OR1J2: variants seen among roughly 807,000 people sequenced by gnomAD.
OR1J2 encodes olfactory receptor 1J2.
For synonymous variants in OR1J2, 142 were observed against 99.7 expected, an observed-to-expected ratio of 1.42 and a Z score of -2.52; for missense variants, 304 against 246.1, an observed-to-expected ratio of 1.24 and a Z score of -1.57.
the OR1J2 span, chr9:122,476,934 C>G: frequency 2.0e-6 from 2 of 1,023,472 alleles, no homozygotes; most frequent in Non-Finnish European, 3.0e-6. Flanking sequence ...TCTCGAACTC[C>G]TGATCTCAGG....
At chr9:122,568,693 GA>G in the OR1J2 span, 1 of 452,558 alleles carries the variant, frequency 2.2e-6, no homozygotes, top group Non-Finnish European at 3.9e-6. Flanking sequence ...TTGAAATCTG[GA>G]GGGACAGAGG....
the OR1J2 span, among the ~76,000 whole-genome samples, chr9:122,487,984 C>G: frequency 6.6e-6 from 1 of 152,142 alleles, no homozygotes; most frequent in African/African-American, 2.4e-5. Context: ...TTGACAATGT[C>G]TCAAAAGTAA....
the OR1J2 span, among the ~76,000 whole-genome samples, chr9:122,552,824 G>GA: frequency 6.6e-6 from 1 of 150,446 alleles, no homozygotes; most frequent in Non-Finnish European, 1.5e-5. Flanking sequence ...GTTTGATGGA[G>GA]ATCATGCATC....
At chr9:122,558,007 G>A in the OR1J2 span, among the ~76,000 whole-genome samples, 5 of 151,758 alleles carry the variant, frequency 3.3e-5, no homozygotes, top group African/African-American at 1.2e-4. Context: ...ATTTGTTCAT[G>A]GTATTCCTTT....
At chr9:122,469,602 G>A in the OR1J2 span, among the ~76,000 whole-genome samples, 3 of 152,228 alleles carry the variant, frequency 2.0e-5, no homozygotes, top group South Asian at 2.1e-4. Flanking sequence ...ATGTGGAAGC[G>A]ACTTTAGAAC....
chr9:122,510,673 A>G (rs934719105), upstream of OR1J2: 2 of 605,240 alleles, frequency 3.3e-6, no homozygotes, highest in Admixed American at 2.9e-5. Context: ...GATAGGCCCC[A>G]GTGTGTGTTG....
chr9:122,471,819 G>A, the OR1J2 span, among the ~76,000 whole-genome samples: 12 of 152,208 alleles, frequency 7.9e-5, no homozygotes, highest in East Asian at 1.7e-3. Flanking sequence ...GGGCATCTGA[G>A]GCCAAAAAAA....
the OR1J2 span, among the ~76,000 whole-genome samples, chr9:122,485,067 C>G: frequency 6.6e-6 from 1 of 152,128 alleles, no homozygotes; most frequent in East Asian, 1.9e-4. Context: ...GCCCCACCAT[C>G]ACTTTCTCAA....
At chr9:122,457,534 CAA>C in the OR1J2 span, among the ~76,000 whole-genome samples, 1 of 136,666 alleles carries the variant, frequency 7.3e-6, no homozygotes, top group Non-Finnish European at 1.6e-5. Context: ...ACGAGGTGTG[CAA>C]AAAAAAAAAG....
At chr9:122,536,273 A>G in the OR1J2 span, among the ~76,000 whole-genome samples, 2 of 152,178 alleles carry the variant, frequency 1.3e-5, no homozygotes, top group Non-Finnish European at 2.9e-5. Flanking sequence ...AAAACAAACA[A>G]ACAAAAAACT....
At chr9:122,479,486 G>A in the OR1J2 span, among the ~76,000 whole-genome samples, 1 of 152,304 alleles carries the variant, frequency 6.6e-6, no homozygotes, top group Admixed American at 6.5e-5. Context: ...CAAAGGTACT[G>A]ACTGATGAGG....
chr9:122,553,765 G>A, the OR1J2 span: 6 of 1,613,868 alleles, frequency 3.7e-6, no homozygotes, highest in Non-Finnish European at 5.1e-6. Context: ...TGTGATCCTA[G>A]TGCTCTCCTG....
the OR1J2 span, among the ~76,000 whole-genome samples, chr9:122,482,314 A>G: frequency 1.3e-5 from 2 of 152,200 alleles, no homozygotes; most frequent in African/African-American, 4.8e-5. Context: ...TAAAACCTCC[A>G]TGAGCTGTGA....
chr9:122,476,857 C>T, the OR1J2 span: 1 of 611,688 alleles, frequency 1.6e-6, no homozygotes, highest in African/African-American at 1.8e-5. Flanking sequence ...AGGCATGCAC[C>T]ACCATGCCCG....
chr9:122,523,095 T>A, the OR1J2 span, among the ~76,000 whole-genome samples: 1 of 152,198 alleles, frequency 6.6e-6, no homozygotes, highest in Admixed American at 6.5e-5. Flanking sequence ...TGCCTGGATA[T>A]CAGCAAAAGC....
At chr9:122,489,865 A>G in the OR1J2 span, among the ~76,000 whole-genome samples, 1 of 152,224 alleles carries the variant, frequency 6.6e-6, no homozygotes. Flanking sequence ...CATGGTAAGC[A>G]CAGGAGAATT....
the OR1J2 span, chr9:122,478,002 G>T: frequency 1.0e-6 from 1 of 1,001,830 alleles, no homozygotes; most frequent in Non-Finnish European, 1.5e-6. Flanking sequence ...AATGATAACT[G>T]TGGCATAGTA....
the OR1J2 span, among the ~76,000 whole-genome samples, chr9:122,467,027 G>A: frequency 2.0e-5 from 3 of 152,052 alleles, no homozygotes; most frequent in South Asian, 2.1e-4. Context: ...CACCTTGTTG[G>A]GCTTCAAACA....
chr9:122,473,088 C>T, the OR1J2 span, among the ~76,000 whole-genome samples: 21 of 152,308 alleles, frequency 1.4e-4, no homozygotes, highest in Non-Finnish European at 2.6e-4. Context: ...CCCTGGAAGA[C>T]GATATTCCTG....
Sources: allele counts gnomAD v4.1 joint callset (sites outside exome capture counted in the v4.1 genomes callset), GRCh38; gene constraint gnomAD v4.1.1; transcripts MANE v1.5; gene names NCBI Gene and HGNC (gene_info 2026-07-23, HGNC 2026-07-21).